Variants in BARHL1 observed in about 807,000 individuals in gnomAD.
BARHL1 encodes the protein barH-like 1 homeobox protein.
In BARHL1, 2 loss-of-function variants were observed where a neutral mutation model predicts 20.1. The ratio of observed to expected loss-of-function variants is 0.10; its 90% CI spans 0.04 to 0.31. The LOEUF is 0.31. BARHL1 is among the 10% of genes least tolerant of loss of function. BARHL1 has a pLI of 1.00. For missense variants in BARHL1, 397 were observed against 454.0 expected (o/e 0.87, Z 1.14); for synonymous variants, 213 against 209.9 (o/e 1.01, Z -0.13).
In BARHL1 at chr9:132,583,126, C is replaced by A; in HGVS notation, c.329C>A (p.Ala110Asp). ...CTTGCCGACTGCAAACCACTCGCGG[C>A]CTGTGCACCCTACTCTAGCAGCGGG... is the stretch of plus-strand genomic sequence containing the variant. The part of the protein sequence containing the change: ...DILADCKPLA[A>D]CAPYSSSGQP... The change falls in exon 1 of 3, where the codon GCC (alanine) becomes GAC (aspartate). Residue 110 changes from alanine (A) to aspartate (D), a missense_variant. This residue lies in a region of BARHL1 where 272 missense variants were observed against 298.7 expected (regional missense o/e 0.91). Transcript: ENST00000263610. 2 of 1,613,794 alleles carry A rather than the reference C, an allele frequency of 1.2e-6. No homozygotes were observed. The highest frequency in any genetic ancestry group is 1.7e-6 in the Non-Finnish European group (2 of 1,179,970).
At chr9:132,585,612 G>A (rs1443942515) in intron 1 of BARHL1, among the ~76,000 whole-genome samples, 1 of 152,154 alleles carries the variant, frequency 6.6e-6, no homozygotes, top group Non-Finnish European at 1.5e-5. Flanking sequence ...CTGGAACTCG[G>A]GGACACTGAG....
intron 1 of BARHL1, among the ~76,000 whole-genome samples, chr9:132,583,866 G>C (rs1415103557): frequency 1.3e-5 from 2 of 152,182 alleles, no homozygotes; most frequent in African/African-American, 4.8e-5. Flanking sequence ...GCAGGTCAGG[G>C]GGCTAGTGCA....
chr9:132,587,272 G>A lies in BARHL1; in HGVS notation c.467-57G>A, dbSNP rs969110029. On this transcript the variant is annotated intron_variant, in intron 1 of 2. Coordinates refer to ENST00000263610, the MANE Select transcript of BARHL1 (RefSeq NM_020064.4). The surrounding 1 kb of genome is among the most constrained non-coding windows in gnomAD (Gnocchi z 5.5). The stretch of plus-strand genomic sequence containing the variant: ...TTACACAAACGCCACGGGCAGGAGC[G>A]GGAGGGCACCGGCGGCGGCTGCGAG... 1.4e-6 allele frequency: 2 copies of A among 1,474,600 alleles called. No homozygotes were observed. Among genetic ancestry groups the A allele is most frequent in the Non-Finnish European group, 9.2e-7 (1 of 1,085,392 alleles). The allele number at this position is 1,474,600 out of a possible 1,614,324, so 91.3% of individuals were successfully genotyped here.
At chr9:132,586,928 G>A (rs1021608063) in intron 1 of BARHL1, among the ~76,000 whole-genome samples, 2 of 152,256 alleles carry the variant, frequency 1.3e-5, no homozygotes, top group Non-Finnish European at 1.5e-5. Flanking sequence ...CTGGGGCCCA[G>A]ACGCGGAGCT....
chr9:132,587,261 CG>C lies in BARHL1; in HGVS notation c.467-65del. The C allele has an allele frequency of 3.6e-6, 5 of 1,406,350 alleles. No homozygotes were observed. In the South Asian group the frequency reaches 6.4e-5, roughly 18 times the overall value. The allele number at this position is 1,406,350 out of a possible 1,614,324, so 87.1% of individuals were successfully genotyped here. On this transcript the variant is annotated intron_variant, in intron 1 of 2. Transcript: ENST00000263610. The surrounding 1 kb of genome is among the most constrained non-coding windows in gnomAD (Gnocchi z 5.5). ...GGAAGCCGAGGTTACACAAACGCCACGGGCAGGAGCGGGAGGGCACCGGCGG... is the reference window on the plus strand; with the variant it reads ...GGAAGCCGAGGTTACACAAACGCCACGGCAGGAGCGGGAGGGCACCGGCGG...
rs951057622 is a variant in BARHL1, at chr9:132,587,619, A to C, written c.689+68A>C. The C allele has an allele frequency of 1.7e-5, 25 of 1,435,576 alleles. No individual in the cohort carries two copies. The highest frequency in any genetic ancestry group is 2.3e-5 in the Non-Finnish European group (24 of 1,050,458). 88.9% of individuals were successfully genotyped at this position (1,435,576 alleles called of 1,614,324 possible). On this transcript the variant is annotated intron_variant, in intron 2 of 2. Transcript: ENST00000263610. This position sits in a 1 kb window ranked among gnomAD's most constrained non-coding sequence, Gnocchi z 5.5. ...CCTTTCCTCACAGCTCCTGGAGGGG[A>C]CCAGGAGTCTACAGGTTGGTGCTAA... is the stretch of plus-strand genomic sequence containing the variant.
chr9:132,587,682 G>A lies in BARHL1; in HGVS notation c.689+131G>A, dbSNP rs1589938695. 1.6e-5 allele frequency: 14 copies of A among 874,408 alleles called. No individual in the cohort carries two copies. Among genetic ancestry groups the A allele is most frequent in the Non-Finnish European group, 2.3e-5 (13 of 573,946 alleles). The allele number at this position is 874,408 out of a possible 1,614,324, so 54.2% of individuals were successfully genotyped here. Reference sequence around the variant, plus strand: ...GAGCCTCCCCCATTCTGTAAAAGTGGGAAACTGAGTCCCTAAGGGGACAAG... The same window carrying A: ...GAGCCTCCCCCATTCTGTAAAAGTGAGAAACTGAGTCCCTAAGGGGACAAG... On this transcript the variant is annotated intron_variant, in intron 2 of 2. Transcript: ENST00000263610. The surrounding 1 kb of genome is among the most constrained non-coding windows in gnomAD (Gnocchi z 5.5).
rs1158592045 is a variant in BARHL1, at chr9:132,589,301, C to T, written c.763C>T (p.Arg255Trp). 1.9e-6 allele frequency: 3 copies of T among 1,613,442 alleles called. No homozygotes were observed. Among genetic ancestry groups the T allele is most frequent in the South Asian group, 1.1e-5 (1 of 91,066 alleles). ...AEAGNYSALQ[R>W]MFPSPYFYPQ... ...GGCAGGCAATTACTCAGCGCTCCAGCGGATGTTCCCGTCGCCTTATTTCTA... is the reference window on the plus strand; with the variant it reads ...GGCAGGCAATTACTCAGCGCTCCAGTGGATGTTCCCGTCGCCTTATTTCTA... Residue 255 changes from arginine to tryptophan, a missense_variant, in exon 3 of 3, where the codon CGG becomes TGG. By Grantham distance (101) the Arg-to-Trp change is moderately radical (BLOSUM62 -3). This residue lies in a region of BARHL1 where 121 missense variants were observed against 135.9 expected (regional missense o/e 0.89). Transcript: ENST00000263610.
chr9:132,587,570 G>C lies in BARHL1; in HGVS notation c.689+19G>C, dbSNP rs375277963. 183 of 1,589,314 alleles carry C rather than the reference G, an allele frequency of 1.2e-4. No homozygotes were observed. The highest frequency in any genetic ancestry group is 1.5e-4 in the Non-Finnish European group (175 of 1,166,784). ...ACCGCAGGTGAGGCCTGGCTGCGGG[G>C]GTAGAGGCAGAAAGGGAACTTCCCC... On this transcript the variant is annotated intron_variant, in intron 2 of 2. Coordinates refer to ENST00000263610, the MANE Select transcript of BARHL1 (RefSeq NM_020064.4). This position sits in a 1 kb window ranked among gnomAD's most constrained non-coding sequence, Gnocchi z 5.5.
At position 132,588,265 on chromosome 9, in the gene BARHL1, A is replaced by C. The variant is rs766272490; in HGVS notation, c.689+714A>C. On this transcript the variant is annotated intron_variant, in intron 2 of 2. Transcript: ENST00000263610. ...CACACACCGACACACACATCAATAC[A>C]ACTTGCAGTCACACACGCACGCACG... Among the ~76,000 whole-genome samples, 13 of 152,128 alleles carry C rather than the reference A, an allele frequency of 8.5e-5. 1 individual carries two copies. Among genetic ancestry groups the C allele is most frequent in the Non-Finnish European group, 1.9e-4 (13 of 68,026 alleles).
intron 1 of BARHL1, among the ~76,000 whole-genome samples, chr9:132,585,931 A>G (rs1830139313): frequency 6.6e-6 from 1 of 152,232 alleles, no homozygotes; most frequent in South Asian, 2.1e-4. Flanking sequence ...CGTTTCCTCA[A>G]ACTTATTTAA....
Position 132,589,533 on chromosome 9 carries a change from G to A in BARHL1, c.*11G>A. 20 of 1,289,630 alleles carry A rather than the reference G, an allele frequency of 1.6e-5. No individual in the cohort carries two copies. The highest frequency in any genetic ancestry group is 1.9e-5 in the Non-Finnish European group (19 of 1,022,490). The allele number at this position is 1,289,630 out of a possible 1,614,324, so 79.9% of individuals were successfully genotyped here. On this transcript the variant is annotated 3_prime_UTR_variant, in exon 3 of 3. Transcript: ENST00000263610. The stretch of plus-strand genomic sequence containing the variant: ...GCGCAGCCTCGGTGAGGCGCCCGTC[G>A]GCTCCGGGGCCTCCTCCCGCGGGCT...
intron 1 of BARHL1, among the ~76,000 whole-genome samples, chr9:132,585,407 G>A (rs1830131023): frequency 6.6e-6 from 1 of 152,220 alleles, no homozygotes; most frequent in African/African-American, 2.4e-5. Context: ...TCCAAGGAGG[G>A]CATGGGGGAA....
At chr9:132,584,945 G>GC (rs1462494768) in intron 1 of BARHL1, among the ~76,000 whole-genome samples, 1 of 152,160 alleles carries the variant, frequency 6.6e-6, no homozygotes, top group African/African-American at 2.4e-5. Flanking sequence ...AACAAGAACG[G>GC]CCCCGCTTTA....
In BARHL1 at chr9:132,583,024, C is replaced by A; in HGVS notation, c.227C>A (p.Ser76Tyr). 6.2e-7 allele frequency: 1 copy of A among 1,613,820 alleles called. No individual in the cohort carries two copies. Among genetic ancestry groups the A allele is most frequent in the Non-Finnish European group, 8.5e-7 (1 of 1,179,946 alleles). ...PGGASGPGLD[S>Y]HLQPGQLSAP... The stretch of plus-strand genomic sequence containing the variant: ...GGGGCATCCGGCCCAGGTTTGGACT[C>A]CCACCTGCAGCCCGGGCAGCTCTCA... The change falls in exon 1 of 3, where the codon TCC becomes TAC. Residue 76 changes from serine (S) to tyrosine (Y), a missense_variant. By Grantham distance (144) the Ser-to-Tyr change is moderately radical. This residue lies in a region of BARHL1 where 272 missense variants were observed against 298.7 expected (regional missense o/e 0.91). Coordinates refer to ENST00000263610, the MANE Select transcript of BARHL1 (RefSeq NM_020064.4).
intron 1 of BARHL1, among the ~76,000 whole-genome samples, chr9:132,585,161 G>T (rs1286144325): frequency 6.6e-6 from 1 of 152,136 alleles, no homozygotes; most frequent in Non-Finnish European, 1.5e-5. Context: ...TCTACATATC[G>T]CTTAAATAGG....
At chr9:132,588,998 G>A (rs1830177112) in intron 2 of BARHL1, among the ~76,000 whole-genome samples, 1 of 152,190 alleles carries the variant, frequency 6.6e-6, no homozygotes, top group African/African-American at 2.4e-5. Flanking sequence ...CCAGACCTCA[G>A]TTTTCCTCTC....
intron 2 of BARHL1, 99 bp from the exon 3 acceptor site, chr9:132,589,129 G>T: frequency 6.7e-7 from 1 of 1,497,154 alleles, no homozygotes. Context: ...ATCCCTCTTG[G>T]CCTCCCTACA....
rs765562421 is a variant in BARHL1 at position 132,587,521 on chromosome 9, C to G, written c.659C>G (p.Thr220Arg). Residue 220 changes from threonine (T) to arginine (R), a missense_variant, in exon 2 of 3, where the codon ACG (threonine) becomes AGG (arginine). By Grantham distance (71) the Thr-to-Arg change is moderately conservative (BLOSUM62 -1). Transcript: ENST00000263610. This position sits in a 1 kb window ranked among gnomAD's most constrained non-coding sequence, Gnocchi z 5.5. ...ELAASLNLTD[T>R]QVKTWYQNRR... ...GCCGCCTCGCTCAACCTCACCGACA[C>G]GCAGGTCAAGACCTGGTACCAGAAC... The G allele has an allele frequency of 6.2e-7, 1 of 1,612,252 alleles. No individual in the cohort carries two copies. The highest frequency in any genetic ancestry group is 8.5e-7 in the Non-Finnish European group (1 of 1,179,464).
Sources: allele counts gnomAD v4.1 joint callset (sites outside exome capture counted in the v4.1 genomes callset), GRCh38; gene constraint gnomAD v4.1.1; regional missense constraint gnomAD v4.1.1; non-coding constraint Gnocchi (gnomAD v3.1); transcripts MANE v1.5; gene names NCBI Gene and HGNC (gene_info 2026-07-23, HGNC 2026-07-21).